DCTN4: variants seen among roughly 807,000 people sequenced by gnomAD.
DCTN4 encodes dynactin subunit 4.
In DCTN4, 23 loss-of-function variants were observed where a neutral mutation model predicts 62.7. The ratio of observed to expected loss-of-function variants is 0.37; its 90% CI spans 0.26 to 0.52. DCTN4 has a LOEUF of 0.52. DCTN4 is among the 20% of genes least tolerant of loss of function. DCTN4 has a pLI of 0.92. For missense variants in DCTN4, 514 were observed against 580.4 expected, an observed-to-expected ratio of 0.89 and a Z score of 1.18; for synonymous variants, 199 against 202.1, an observed-to-expected ratio of 0.98 and a Z score of 0.13.
At position 150,715,646 on chromosome 5, in the gene DCTN4, T is replaced by G; in HGVS notation, c.1088A>C (p.Lys363Thr). The G allele has an allele frequency of 6.2e-7, 1 of 1,614,078 alleles. No homozygotes were observed. Among genetic ancestry groups the G allele is most frequent in the Non-Finnish European group, 8.5e-7 (1 of 1,179,992 alleles). ...ATCCTTGCCAGCTAAAACGAGCTCTTTGGGAGGCACCACCACCTGGAGAGC... is the reference window on the plus strand; with the variant it reads ...ATCCTTGCCAGCTAAAACGAGCTCTGTGGGAGGCACCACCACCTGGAGAGC... ...NSTAKVVVPP[K>T]ELVLAGKDAA... Residue 363 changes from lysine (K) to threonine (T), a missense_variant, in exon 12 of 13, where the codon AAA (lysine) becomes ACA (threonine). Transcript: ENST00000447998.
chr5:150,747,885 G>A (rs1396428055), intron 3 of DCTN4, among the ~76,000 whole-genome samples: 5 of 145,896 alleles, frequency 3.4e-5, no homozygotes, highest in African/African-American at 1.3e-4. Flanking sequence ...CATGGGCAAG[G>A]ACTTCATGTC....
At chr5:150,726,212 A>G (rs1228909459) in intron 8 of DCTN4, among the ~76,000 whole-genome samples, 1 of 152,212 alleles carries the variant, frequency 6.6e-6, no homozygotes, top group African/African-American at 2.4e-5. Flanking sequence ...ACAATTTTTA[A>G]AGAAGTCCTT....
chr5:150,751,988 T>C (rs973216344), intron 3 of DCTN4, among the ~76,000 whole-genome samples: 8 of 152,196 alleles, frequency 5.3e-5, no homozygotes, highest in African/African-American at 1.9e-4. Flanking sequence ...AATGAATTTG[T>C]TATGAGCTTC....
At chr5:150,715,465 A>C in intron 12 of DCTN4, 100 bp downstream of exon 12, 1 of 865,332 alleles carries the variant, frequency 1.2e-6, no homozygotes. Flanking sequence ...AAACAGGAAG[A>C]AAAAAGTTAT....
chr5:150,723,581 G>C (rs1760030309), intron 8 of DCTN4, among the ~76,000 whole-genome samples: 1 of 152,178 alleles, frequency 6.6e-6, no homozygotes, highest in South Asian at 2.1e-4. Flanking sequence ...TAATCTTCCT[G>C]CCTTGGCCTC....
intron 3 of DCTN4, among the ~76,000 whole-genome samples, chr5:150,748,014 T>C (rs1453297644): frequency 6.8e-6 from 1 of 146,776 alleles, no homozygotes. Context: ...ACCTACAAAA[T>C]GGGAGAAAAT....
At chr5:150,726,880 C>A (rs1391489177) in intron 8 of DCTN4, among the ~76,000 whole-genome samples, 1 of 152,120 alleles carries the variant, frequency 6.6e-6, no homozygotes, top group African/African-American at 2.4e-5. Flanking sequence ...TGCTAAGGTA[C>A]GGTATGTCAG....
At position 150,710,899 on chromosome 5, in the gene DCTN4, T is replaced by C; in HGVS notation, c.*250A>G. ...CTTTCCTAGGATGGAATTATGCTGC[T>C]GTTACTCAACGTGCAGGGTTCAGTG... is the stretch of plus-strand genomic sequence containing the variant. On this transcript the variant is annotated 3_prime_UTR_variant, in exon 13 of 13. Coordinates refer to ENST00000447998, the MANE Select transcript of DCTN4 (RefSeq NM_016221.4). 1 of 508,280 alleles carries C rather than the reference T, an allele frequency of 2.0e-6. No homozygotes were observed. The highest frequency in any genetic ancestry group is 3.6e-6 in the Non-Finnish European group (1 of 279,770). 31.5% of individuals were successfully genotyped at this position (508,280 alleles called of 1,614,324 possible). A position where few individuals can be genotyped will look rare whatever the true frequency, so the allele number is the denominator to read the frequency against.
chr5:150,714,064 CAGG>C (rs755724521), intron 12 of DCTN4, among the ~76,000 whole-genome samples: 129 of 152,210 alleles, frequency 8.5e-4, no homozygotes, highest in Middle Eastern at 6.8e-3. Flanking sequence ...TTGCAGTGAG[CAGG>C]AGATCACGCC....
intron 7 of DCTN4, 127 bp from the exon 8 acceptor site, chr5:150,730,867 G>C: frequency 2.2e-6 from 2 of 890,852 alleles, no homozygotes; most frequent in Non-Finnish European, 3.5e-6. Context: ...TGAAAATATA[G>C]AAAGTTGACA....
At chr5:150,738,221 A>C (rs1394580903) in intron 4 of DCTN4, among the ~76,000 whole-genome samples, 2 of 152,352 alleles carry the variant, frequency 1.3e-5, no homozygotes, top group Middle Eastern at 3.4e-3. Flanking sequence ...TCCTACTGAA[A>C]CTATTCCAAA....
intron 3 of DCTN4, chr5:150,743,000 C>G (rs190329432): frequency 1.3e-5 from 2 of 155,762 alleles, no homozygotes; most frequent in Admixed American, 1.3e-4. Context: ...GCGCACCGTG[C>G]GCCAGCCGAA....
At chr5:150,725,637 T>C (rs557137630) in intron 8 of DCTN4, among the ~76,000 whole-genome samples, 1 of 152,208 alleles carries the variant, frequency 6.6e-6, no homozygotes, top group Non-Finnish European at 1.5e-5. Context: ...ATATACTGTA[T>C]AGCTAAGCAC....
chr5:150,758,988 C>T lies in DCTN4; in HGVS notation c.6G>A (p.Ala2=), dbSNP rs747384247. The part of the protein sequence containing the change: M[A]SLLQSDRVLY... ...GAACCCGGTCCGACTGCAGCAAGGA[C>T]GCCATCTTGGGGAGGGAGGAGGCGA... is the stretch of plus-strand genomic sequence containing the variant. The change falls in exon 1 of 13, where the codon GCG becomes GCA. Residue 2 remains alanine (A), a synonymous_variant. Coordinates refer to ENST00000447998, the MANE Select transcript of DCTN4 (RefSeq NM_016221.4). 11 of 1,613,810 alleles carry T rather than the reference C, an allele frequency of 6.8e-6. No homozygotes were observed. Among genetic ancestry groups the T allele is most frequent in the African/African-American group, 1.3e-5 (1 of 74,896 alleles).
In DCTN4 at chr5:150,731,096, T is replaced by C; in HGVS notation, c.672A>G (p.Glu224=). Residue 224 remains glutamate, a synonymous_variant, in exon 7 of 13, where the codon GAA becomes GAG. Transcript: ENST00000447998. ...AATAGTCTTCAGGTAGAGGTTCCACTTCATCCACAGCCTGAGCTGGCTCAA... is the reference window on the plus strand; with the variant it reads ...AATAGTCTTCAGGTAGAGGTTCCACCTCATCCACAGCCTGAGCTGGCTCAA... ...IKIEPAQAVD[E]VEPLPEDYYT... 6.2e-7 allele frequency: 1 copy of C among 1,613,280 alleles called. No individual in the cohort carries two copies. Among genetic ancestry groups the C allele is most frequent in the East Asian group, 2.2e-5 (1 of 44,866 alleles).
intron 3 of DCTN4, 130 bp downstream of exon 3, chr5:150,753,349 A>G (rs901170912): frequency 2.8e-6 from 2 of 726,298 alleles, no homozygotes; most frequent in Non-Finnish European, 4.4e-6. Context: ...ATGGGAACAC[A>G]GAAGAGTTAA....
At chr5:150,756,316 GGC>G in intron 2 of DCTN4, 99 bp downstream of exon 2, 4 of 759,242 alleles carry the variant, frequency 5.3e-6, no homozygotes, top group Middle Eastern at 3.1e-4. Flanking sequence ...TGGGATTACA[GGC>G]GTGAGCCACC....
At chr5:150,719,554 T>C (rs1287655338) in intron 10 of DCTN4, among the ~76,000 whole-genome samples, 162 bp downstream of exon 10, 2 of 152,208 alleles carry the variant, frequency 1.3e-5, no homozygotes, top group Non-Finnish European at 2.9e-5. Context: ...TTGTCAAGAA[T>C]CTCAGTGTCA....
chr5:150,721,192 C>A (rs1759945532), intron 9 of DCTN4, among the ~76,000 whole-genome samples: 1 of 152,166 alleles, frequency 6.6e-6, no homozygotes, highest in Non-Finnish European at 1.5e-5. Context: ...CACTTCCCAA[C>A]CTTTTTGTTT....
Sources: gnomAD v4.1 joint callset for allele counts (sites outside exome capture counted in the v4.1 genomes callset) on GRCh38, gnomAD v4.1.1 for gene constraint, MANE v1.5 for transcripts, NCBI Gene and HGNC (gene_info 2026-07-23, HGNC 2026-07-21) for gene names.